Variants in ABHD12 observed in about 807,000 individuals in gnomAD.
The protein encoded by ABHD12 is lysophosphatidylserine lipase ABHD12.
Under a neutral mutation model 58.3 loss-of-function variants are expected in ABHD12, and 43 were observed. That is an observed-to-expected ratio of 0.74 (90% CI 0.58 to 0.95). ABHD12 has a LOEUF of 0.95. Among genes scored for constraint, ABHD12 ranks in the 40% least tolerant of loss-of-function variants. The pLI is 0.00. For missense variants in ABHD12, 539 were observed against 537.2 expected, an observed-to-expected ratio of 1.00 and a Z score of -0.03; for synonymous variants, 219 against 211.2, an observed-to-expected ratio of 1.04 and a Z score of -0.32.
chr20:25,295,453 C>A (rs965829228), downstream of ABHD12: 7 of 817,544 alleles, frequency 8.6e-6, no homozygotes, highest in African/African-American at 1.2e-4. Context: ...CCTGGTGCAG[C>A]CTGGCTCTGA....
intron 1 of ABHD12, among the ~76,000 whole-genome samples, chr20:25,385,413 G>C (rs1199971519): frequency 1.3e-5 from 2 of 150,776 alleles, no homozygotes; most frequent in East Asian, 3.9e-4. Context: ...CTAGGGAAAT[G>C]GCCATAGCTA....
intron 1 of ABHD12, among the ~76,000 whole-genome samples, chr20:25,386,044 T>C (rs946871931): frequency 6.6e-6 from 1 of 151,698 alleles, no homozygotes; most frequent in Admixed American, 6.6e-5. Context: ...AAGCTTGCAG[T>C]GAGCCAAGAT....
chr20:25,303,657 G>A (rs1457096294), intron 10 of ABHD12, 29 bp from the exon 11 acceptor site: 1 of 1,612,788 alleles, frequency 6.2e-7, no homozygotes, highest in Non-Finnish European at 8.5e-7. Context: ...GCTAGACCAA[G>A]ACCAGGGAAA....
At position 25,307,399 on chromosome 20, in the gene ABHD12, C is replaced by T. The variant is rs2088765005; in HGVS notation, c.868-484G>A. On this transcript the variant is annotated intron_variant, in intron 9 of 12. Coordinates refer to ENST00000339157, the MANE Select transcript of ABHD12 (RefSeq NM_001042472.3). The stretch of plus-strand genomic sequence containing the variant: ...ATGGGCTGACACAGGCCCGAGAATC[C>T]ATGGCCAGTGGGGAGCACAGGGATC... Among the ~76,000 whole-genome samples, 6 of 152,236 alleles carry T rather than the reference C, an allele frequency of 3.9e-5. No individual in the cohort carries two copies. In the South Asian group the frequency reaches 1.2e-3, roughly 32 times the overall value.
At chr20:25,329,411 T>C (rs565080306) in intron 2 of ABHD12, among the ~76,000 whole-genome samples, 1 of 152,338 alleles carries the variant, frequency 6.6e-6, no homozygotes, top group East Asian at 1.9e-4. Context: ...TGGCTGCTCC[T>C]GCTTCCCCCA....
chr20:25,314,678 TAAA>T (rs767083258), intron 6 of ABHD12, among the ~76,000 whole-genome samples: 3 of 134,338 alleles, frequency 2.2e-5, no homozygotes, highest in Non-Finnish European at 1.6e-5. Flanking sequence ...GATCCTATCT[TAAA>T]AAAAAAAAAA....
rs756681155 is a variant in ABHD12, at chr20:25,302,265, T to G, written c.1111A>C (p.Arg371=). The G allele has an allele frequency of 1.2e-6, 2 of 1,613,822 alleles. No homozygotes were observed. The highest frequency in any genetic ancestry group is 2.2e-5 in the East Asian group (1 of 44,892). The change falls in exon 12 of 13, where the codon AGG becomes CGG. Residue 371 remains arginine (R), a synonymous_variant. Coordinates refer to ENST00000339157, the MANE Select transcript of ABHD12 (RefSeq NM_001042472.3). ...FVPFHSDLGY[R]HKYIYKSPEL... is the part of the protein sequence containing the mutation. Reference sequence around the variant, plus strand: ...GGGCTCTTGTAAATGTATTTGTGCCTGTAGCCAAGGTCTGAATGAAAGGGC... The same window carrying G: ...GGGCTCTTGTAAATGTATTTGTGCCGGTAGCCAAGGTCTGAATGAAAGGGC...
chr20:25,297,733 CT>C (rs1277326320), downstream of ABHD12: 3 of 152,358 alleles, frequency 2.0e-5, no homozygotes, highest in East Asian at 5.8e-4. Flanking sequence ...TGGATCTGGG[CT>C]GCGGGGAGGC....
intron 1 of ABHD12, among the ~76,000 whole-genome samples, chr20:25,365,016 C>T (rs901209049): frequency 2.6e-5 from 4 of 152,166 alleles, no homozygotes; most frequent in African/African-American, 9.7e-5. Flanking sequence ...AACATGGAGG[C>T]AGGTGTAGCC....
At chr20:25,360,226 A>ATTTT (rs2089726267) in intron 1 of ABHD12, among the ~76,000 whole-genome samples, 1 of 27,760 alleles carries the variant, frequency 3.6e-5, no homozygotes, top group Non-Finnish European at 7.5e-5. Flanking sequence ...TGAACACGTT[A>ATTTT]CTTTTTTTTT....
chr20:25,316,558 A>AG (rs2088965723), intron 5 of ABHD12, among the ~76,000 whole-genome samples: 1 of 152,274 alleles, frequency 6.6e-6, no homozygotes, highest in African/African-American at 2.4e-5. Flanking sequence ...TACAAAGCCC[A>AG]TACATTCTGA....
At chr20:25,334,451 CTACTT>C (rs1291426895) in intron 2 of ABHD12, among the ~76,000 whole-genome samples, 1 of 151,776 alleles carries the variant, frequency 6.6e-6, no homozygotes, top group Non-Finnish European at 1.5e-5. Flanking sequence ...TTGGAAAAAA[CTACTT>C]TAAAGTTCAT....
intron 12 of ABHD12, chr20:25,295,126 TA>T: frequency 1.5e-6 from 2 of 1,310,562 alleles, no homozygotes; most frequent in Non-Finnish European, 2.2e-6. Flanking sequence ...TGTAGATTCA[TA>T]AATCTGGCAT....
At chr20:25,311,181 G>A (rs766038595) in intron 6 of ABHD12, among the ~76,000 whole-genome samples, 3 of 152,202 alleles carry the variant, frequency 2.0e-5, no homozygotes, top group Admixed American at 6.5e-5. Flanking sequence ...CACATGGCTG[G>A]GGAATGAAAG....
At chr20:25,383,954 C>CAAAAAAAA (rs1201588127) in intron 1 of ABHD12, among the ~76,000 whole-genome samples, 9 of 53,360 alleles carry the variant, frequency 1.7e-4, no homozygotes, top group Admixed American at 2.6e-4. Context: ...GACTCTTTCT[C>CAAAAAAAA]AAAAAAAAAA....
intron 1 of ABHD12, among the ~76,000 whole-genome samples, chr20:25,378,644 C>CA (rs2089987335): frequency 6.6e-6 from 1 of 152,054 alleles, no homozygotes; most frequent in Non-Finnish European, 1.5e-5. Flanking sequence ...CAATATACCC[C>CA]AAGCTTTGTT....
chr20:25,383,765 C>G (rs1392501726), intron 1 of ABHD12, among the ~76,000 whole-genome samples: 2 of 152,024 alleles, frequency 1.3e-5, no homozygotes. Context: ...ATCAGCCTGA[C>G]CAACATGGTG....
At chr20:25,339,637 C>T (rs367613265) in intron 1 of ABHD12, 56 of 1,416,784 alleles carry the variant, frequency 4.0e-5, no homozygotes, top group Non-Finnish European at 5.3e-5. Context: ...CAGAAGAATA[C>T]AGCAGAGAAA....
At chr20:25,389,485 C>T (rs2049340394) in intron 1 of ABHD12, among the ~76,000 whole-genome samples, 1 of 152,152 alleles carries the variant, frequency 6.6e-6, no homozygotes, top group East Asian at 1.9e-4. Flanking sequence ...TGCTACAACG[C>T]CTGAGATCAT....
Sources: allele counts gnomAD v4.1 joint callset (sites outside exome capture counted in the v4.1 genomes callset), GRCh38; gene constraint gnomAD v4.1.1; transcripts MANE v1.5; gene names NCBI Gene and HGNC (gene_info 2026-07-23, HGNC 2026-07-21).